The following TOP6BL variants were observed in gnomAD, a reference collection of about 807,000 sequenced individuals.
TOP6BL encodes the protein TOP6B like initiator of meiotic double strand breaks, also known as type 2 DNA topoisomerase 6 subunit B-like.
At chr11:66,804,216 C>A in the TOP6BL span, 1 of 1,556,324 alleles carries the variant, frequency 6.4e-7, no homozygotes, top group Non-Finnish European at 8.7e-7. Context: ...AAAGTTCCAT[C>A]CAATTATCTT....
chr11:66,832,096 T>C, the TOP6BL span, among the ~76,000 whole-genome samples: 2 of 151,734 alleles, frequency 1.3e-5, no homozygotes, highest in Non-Finnish European at 2.9e-5. Context: ...ATGGACACTT[T>C]CTTTTTTTTT....
the TOP6BL span, among the ~76,000 whole-genome samples, chr11:66,753,631 C>G: frequency 2.0e-5 from 3 of 151,844 alleles, no homozygotes; most frequent in Non-Finnish European, 4.4e-5. Flanking sequence ...TGGTCTCTAT[C>G]TCCTGACCTC....
At chr11:66,749,880 T>C in the TOP6BL span, among the ~76,000 whole-genome samples, 7 of 152,298 alleles carry the variant, frequency 4.6e-5, no homozygotes, top group African/African-American at 1.7e-4. Context: ...ACCCAGCCTA[T>C]GTTTATATAT....
chr11:66,819,542 A>G, the TOP6BL span, among the ~76,000 whole-genome samples: 16 of 152,158 alleles, frequency 1.1e-4, no homozygotes, highest in Admixed American at 1.0e-3. Context: ...GGGCCAAAGC[A>G]GGAGGACCGC....
chr11:66,761,669 A>G, the TOP6BL span: 2 of 1,047,458 alleles, frequency 1.9e-6, no homozygotes, highest in Non-Finnish European at 2.8e-6. Flanking sequence ...CTCATCTGCA[A>G]AAATGTTGTC....
At chr11:66,782,207 C>G in the TOP6BL span, among the ~76,000 whole-genome samples, 1 of 152,242 alleles carries the variant, frequency 6.6e-6, no homozygotes, top group East Asian at 1.9e-4. Flanking sequence ...ATTACTAAAG[C>G]ATTATCTGTG....
At chr11:66,787,552 A>G in the TOP6BL span, among the ~76,000 whole-genome samples, 12 of 48,342 alleles carry the variant, frequency 2.5e-4, no homozygotes, top group African/African-American at 1.9e-3. Context: ...TTAAAAATAC[A>G]AAAAAAAAAA....
chr11:66,803,494 T>C, the TOP6BL span, among the ~76,000 whole-genome samples: 1 of 152,180 alleles, frequency 6.6e-6, no homozygotes, highest in African/African-American at 2.4e-5. Context: ...AGTGGCGCAA[T>C]ATCAGCTCAC....
At chr11:66,842,552 G>T in the TOP6BL span, among the ~76,000 whole-genome samples, 1 of 152,204 alleles carries the variant, frequency 6.6e-6, no homozygotes, top group Non-Finnish European at 1.5e-5. Flanking sequence ...GCTTGTCAGT[G>T]CAGACTCCAG....
the TOP6BL span, among the ~76,000 whole-genome samples, chr11:66,762,773 CCTTT>C: frequency 3.3e-5 from 5 of 152,032 alleles, no homozygotes; most frequent in African/African-American, 1.2e-4. Flanking sequence ...CCGGCCAATA[CCTTT>C]CTTTATCTTG....
the TOP6BL span, among the ~76,000 whole-genome samples, chr11:66,781,036 TTGCA>T: frequency 6.6e-6 from 1 of 152,196 alleles, no homozygotes; most frequent in Non-Finnish European, 1.5e-5. Flanking sequence ...GTGATTTTCT[TTGCA>T]TTTATCCTCC....
chr11:66,779,348 A>G, the TOP6BL span, among the ~76,000 whole-genome samples: 1 of 152,220 alleles, frequency 6.6e-6, no homozygotes, highest in Non-Finnish European at 1.5e-5. Flanking sequence ...AAGTGGGTGA[A>G]GGATATGAAC....
chr11:66,768,664 T>G, the TOP6BL span, among the ~76,000 whole-genome samples: 1 of 151,352 alleles, frequency 6.6e-6, no homozygotes, highest in African/African-American at 2.4e-5. Flanking sequence ...GATTTTTGTT[T>G]TTTGTTTTTT....
At chr11:66,781,775 C>T in the TOP6BL span, among the ~76,000 whole-genome samples, 2 of 152,060 alleles carry the variant, frequency 1.3e-5, no homozygotes, top group African/African-American at 4.8e-5. Context: ...TGGCCTCAAG[C>T]GATCTCCCTG....
the TOP6BL span, among the ~76,000 whole-genome samples, chr11:66,840,317 ATC>A: frequency 4.0e-5 from 6 of 151,872 alleles, no homozygotes; most frequent in African/African-American, 1.5e-4. Flanking sequence ...ATACTTACGG[ATC>A]TCTTTTCTCA....
chr11:66,813,033 T>G, the TOP6BL span, among the ~76,000 whole-genome samples: 1 of 152,172 alleles, frequency 6.6e-6, no homozygotes, highest in Admixed American at 6.5e-5. Context: ...ATGCCTTCCT[T>G]TGTTTTAGAT....
At chr11:66,804,292 A>G in the TOP6BL span, 2 of 981,550 alleles carry the variant, frequency 2.0e-6, no homozygotes, top group African/African-American at 1.6e-5. Flanking sequence ...ATCTACAAAT[A>G]TATATGATTT....
the TOP6BL span, among the ~76,000 whole-genome samples, chr11:66,812,597 G>T: frequency 2.0e-5 from 3 of 152,154 alleles, no homozygotes; most frequent in African/African-American, 7.2e-5. Context: ...TTTCCATAAT[G>T]CCTCAGTGCC....
chr11:66,835,788 C>T, the TOP6BL span, among the ~76,000 whole-genome samples: 1 of 152,302 alleles, frequency 6.6e-6, no homozygotes, highest in Non-Finnish European at 1.5e-5. Flanking sequence ...TGATATACCA[C>T]ATTTTATCCA....
Sources: gnomAD v4.1 joint callset for allele counts (sites outside exome capture counted in the v4.1 genomes callset) on GRCh38, gnomAD v4.1.1 for gene constraint, MANE v1.5 for transcripts, NCBI Gene and HGNC (gene_info 2026-07-23, HGNC 2026-07-21) for gene names.